Variants in RECQL5 observed in about 807,000 individuals in gnomAD.
The protein encoded by RECQL5 is ATP-dependent DNA helicase Q5.
In RECQL5, 88 loss-of-function variants were observed where a neutral mutation model predicts 103.4. The observed-to-expected ratio is 0.85, with a 90% CI of 0.72 to 1.02. RECQL5 has a LOEUF of 1.02. Among genes scored for constraint, RECQL5 ranks in the 50% least tolerant of loss-of-function variants. The pLI is 0.00. For missense variants in RECQL5, 1,232 were observed against 1,284.3 expected, an observed-to-expected ratio of 0.96 and a Z score of 0.62; for synonymous variants, 552 against 507.9, an observed-to-expected ratio of 1.09 and a Z score of -1.17.
intron 8 of RECQL5, chr17:75,633,812 G>T: frequency 9.9e-7 from 1 of 1,007,030 alleles, no homozygotes; most frequent in African/African-American, 1.7e-5. Context: ...GCAGAGAGCC[G>T]ACTTCTTTCT....
intron 8 of RECQL5, among the ~76,000 whole-genome samples, chr17:75,647,143 T>G (rs1220075858): frequency 6.6e-6 from 1 of 152,192 alleles, no homozygotes; most frequent in Non-Finnish European, 1.5e-5. Context: ...GGGCCCCACT[T>G]CTTGCGCCAG....
At chr17:75,627,814 T>C in intron 18 of RECQL5, 122 bp from the exon 19 acceptor site, 1 of 796,492 alleles carries the variant, frequency 1.3e-6, no homozygotes, top group Non-Finnish European at 2.0e-6. Flanking sequence ...GGTCAGGAGA[T>C]CGAGACCATC....
chr17:75,647,307 A>ATAGCACC, intron 8 of RECQL5: 1 of 1,408,724 alleles, frequency 7.1e-7, no homozygotes, highest in East Asian at 2.5e-5. Flanking sequence ...CGGGCAGAGC[A>ATAGCACC]TAGCACCTGG....
At chr17:75,664,912 CAAAAAAA>C (rs371470695) in intron 3 of RECQL5, 132 bp downstream of exon 3, 25 of 929,038 alleles carry the variant, frequency 2.7e-5, no homozygotes, top group Admixed American at 9.0e-5. Flanking sequence ...GACTCTGTCT[CAAAAAAA>C]AAAAAAAAAA....
At chr17:75,658,941 A>G (rs1427062090) in intron 6 of RECQL5, among the ~76,000 whole-genome samples, 2 of 152,256 alleles carry the variant, frequency 1.3e-5, no homozygotes, top group African/African-American at 4.8e-5. Context: ...GTAAATTTGT[A>G]CAAGGTTACA....
At chr17:75,647,356 G>A (rs2059501398) in intron 8 of RECQL5, 1 of 1,538,860 alleles carries the variant, frequency 6.5e-7, no homozygotes, top group Non-Finnish European at 8.8e-7. Flanking sequence ...CAGGTCCTCT[G>A]TCCCTCTTTT....
intron 8 of RECQL5, chr17:75,641,338 G>A (rs916039514): frequency 1.2e-5 from 2 of 165,294 alleles, no homozygotes; most frequent in Non-Finnish European, 2.7e-5. Context: ...TCCCGCCAGA[G>A]CGTGAGCATG....
In RECQL5 at chr17:75,631,713, C is replaced by A; in HGVS notation, c.1230-45G>T. ...AGAGGTGAGGGGCGGAGAGCCCAGT[C>A]GGCCAGCGTCTGTTCACCCGAGCCT... is the stretch of plus-strand genomic sequence containing the variant. On this transcript the variant is annotated intron_variant, in intron 8 of 19. Coordinates refer to ENST00000317905, the MANE Select transcript of RECQL5 (RefSeq NM_004259.7). 1.9e-6 allele frequency: 3 copies of A among 1,585,970 alleles called. No individual in the cohort carries two copies. In the South Asian group the frequency reaches 3.3e-5, roughly 18 times the overall value.
intron 8 of RECQL5, among the ~76,000 whole-genome samples, chr17:75,644,442 C>T (rs566828490): frequency 2.0e-5 from 3 of 151,364 alleles, no homozygotes; most frequent in African/African-American, 7.3e-5. Context: ...CCTGTCCCTA[C>T]AAATATAAAA....
chr17:75,642,331 C>T (rs577265103), intron 8 of RECQL5, among the ~76,000 whole-genome samples: 3 of 152,330 alleles, frequency 2.0e-5, no homozygotes, highest in South Asian at 2.1e-4. Context: ...CTGCGTGACC[C>T]GTGCTCTGGC....
At position 75,661,622 on chromosome 17, in the gene RECQL5, GGCGTTCACACCCCTGCA is replaced by G. The variant is rs1300710709; in HGVS notation, c.841_857del (p.Cys281GlnfsTer11). ...GCCCCTTACCTGCATGGTAAGCCTT[GGCGTTCACACCCCTGCA>G]GCTGAGCTCTATGGCCAGCTGTTCA... is the stretch of plus-strand genomic sequence containing the variant. On this transcript the variant is annotated frameshift_variant, in exon 5 of 20. Coordinates refer to ENST00000317905, the MANE Select transcript of RECQL5 (RefSeq NM_004259.7). LOFTEE classifies it high-confidence loss of function. 6.2e-7 allele frequency: 1 copy of G among 1,614,004 alleles called. No homozygotes were observed. Among genetic ancestry groups the G allele is most frequent in the Admixed American group, 1.7e-5 (1 of 60,010 alleles).
rs2059507018 is a variant in RECQL5 at position 75,647,751 on chromosome 17, G to A, written c.1229+3435C>T. ...GGGTTGGTCAGACTAGTAAGATGGG[G>A]AGGCTGGTCTGAGACCAATTCTGGC... is the stretch of plus-strand genomic sequence containing the variant. On this transcript the variant is annotated intron_variant, in intron 8 of 19. Transcript: ENST00000317905. 52 of 615,630 alleles carry A rather than the reference G, an allele frequency of 8.4e-5. 1 individual carries two copies. In the South Asian group the frequency reaches 1.1e-3, roughly 13 times the overall value. The allele number at this position is 615,630 out of a possible 1,614,324, so 38.1% of individuals were successfully genotyped here.
intron 8 of RECQL5, chr17:75,634,165 G>A: frequency 5.1e-6 from 5 of 985,494 alleles, no homozygotes; most frequent in Non-Finnish European, 6.0e-6. Flanking sequence ...CTCCGCGCTG[G>A]GGCACTGCTG....
chr17:75,661,536 G>A, intron 5 of RECQL5, 70 bp downstream of exon 5: 3 of 1,075,718 alleles, frequency 2.8e-6, no homozygotes, highest in Non-Finnish European at 4.2e-6. Flanking sequence ...ACCAGGATCT[G>A]TAAAGAACAA....
At chr17:75,658,594 T>TTAA in intron 6 of RECQL5, 134 bp from the exon 7 acceptor site, 1 of 746,804 alleles carries the variant, frequency 1.3e-6, no homozygotes, top group Non-Finnish European at 2.2e-6. Context: ...GTTAGAATAG[T>TTAA]TAAGACACCT....
At chr17:75,642,066 A>G (rs1238509771) in intron 8 of RECQL5, among the ~76,000 whole-genome samples, 5 of 152,206 alleles carry the variant, frequency 3.3e-5, no homozygotes, top group African/African-American at 1.2e-4. Context: ...GGGACCAACC[A>G]GGGCAACAGG....
intron 2 of RECQL5, among the ~76,000 whole-genome samples, chr17:75,666,151 C>T (rs1422252672): frequency 6.6e-6 from 1 of 152,050 alleles, no homozygotes; most frequent in African/African-American, 2.4e-5. Context: ...TTGGGCCGGG[C>T]GTGGTGGCTC....
At position 75,629,852 on chromosome 17, in the gene RECQL5, G is replaced by A. The variant is rs112797397; in HGVS notation, c.1813-10C>T. The A allele has an allele frequency of 5.0e-4, 798 of 1,587,580 alleles. 5 individuals are homozygous for A. The African/African-American group carries it at 9.1e-3, about 18-fold the overall frequency. ...TGTGGATATCGGCCACCTGGGCAGG[G>A]ATAGGCAGGGAGGCTGTGGCACCCG... On this transcript the variant is annotated splice_polypyrimidine_tract_variant and intron_variant, in intron 14 of 19. Transcript: ENST00000317905.
rs77417209 is a variant in RECQL5 at position 75,629,463 on chromosome 17, G to A, written c.1960C>T (p.Arg654Trp). ...CCTTTGGGGAAACCAGCTCCCACCC[G>A]CTTGGGTTTGAGCTGTAAATGTGAG... is the stretch of plus-strand genomic sequence containing the variant. Reference protein sequence around the residue: ...ASHVYSLKPKRVGAGFPKGSC... With the variant: ...ASHVYSLKPKWVGAGFPKGSC... Residue 654 changes from arginine (R) to tryptophan (W), a missense_variant, in exon 16 of 20, where the codon CGG (arginine) becomes TGG (tryptophan). Transcript: ENST00000317905. The A allele has an allele frequency of 1.6e-5, 24 of 1,502,678 alleles. No homozygotes were observed. The East Asian group carries it at 1.6e-4, about 10-fold the overall frequency. The allele number at this position is 1,502,678 out of a possible 1,614,324, so 93.1% of individuals were successfully genotyped here.
Sources: gnomAD v4.1 joint callset for allele counts (sites outside exome capture counted in the v4.1 genomes callset) on GRCh38, gnomAD v4.1.1 for gene constraint, MANE v1.5 for transcripts, NCBI Gene and HGNC (gene_info 2026-07-23, HGNC 2026-07-21) for gene names.